The following FRS2 variants were observed in gnomAD, a reference collection of about 807,000 sequenced individuals.
FRS2 encodes fibroblast growth factor receptor substrate 2, also known as FGFR signalling adaptor.
Under a neutral mutation model 43.9 loss-of-function variants are expected in FRS2, and 8 were observed. That is an observed-to-expected ratio of 0.18 (90% CI 0.11 to 0.33). FRS2 has a LOEUF of 0.33. FRS2 is among the 10% of genes least tolerant of loss of function. The pLI, the probability that FRS2 is intolerant of heterozygous loss-of-function variation, is 1.00. For synonymous variants in FRS2, 219 were observed against 220.3 expected, an observed-to-expected ratio of 0.99 and a Z score of 0.05; for missense variants, 534 against 627.6, an observed-to-expected ratio of 0.85 and a Z score of 1.59.
chr12:69,499,457 T>A (rs1422597773), intron 1 of FRS2, among the ~76,000 whole-genome samples: 1 of 152,168 alleles, frequency 6.6e-6, no homozygotes, highest in Non-Finnish European at 1.5e-5. Context: ...CCATGTACCA[T>A]GTAGAAATGA....
intron 1 of FRS2, among the ~76,000 whole-genome samples, chr12:69,511,529 T>C (rs1874453416): frequency 6.6e-6 from 1 of 152,198 alleles, no homozygotes; most frequent in South Asian, 2.1e-4. Flanking sequence ...ATATTCATTA[T>C]ATTTCCCACA....
chr12:69,511,107 G>C (rs534317116), intron 1 of FRS2, among the ~76,000 whole-genome samples: 1 of 152,256 alleles, frequency 6.6e-6, no homozygotes, highest in South Asian at 2.1e-4. Flanking sequence ...CAGTACTTGT[G>C]CTTTTTTTCT....
intron 1 of FRS2, among the ~76,000 whole-genome samples, chr12:69,475,356 G>A (rs895227828): frequency 6.6e-6 from 1 of 152,186 alleles, no homozygotes; most frequent in Admixed American, 6.5e-5. Flanking sequence ...AGTGTTGTTG[G>A]AGGCAGGGGG....
intron 5 of FRS2, 123 bp downstream of exon 5, chr12:69,569,219 CCTGT>C (rs1199170134): frequency 3.6e-6 from 2 of 556,542 alleles, no homozygotes. Context: ...TTCTTTCCAC[CCTGT>C]CTTTCTTGAT....
intron 3 of FRS2, among the ~76,000 whole-genome samples, chr12:69,539,814 G>A (rs572061682): frequency 1.1e-4 from 17 of 152,182 alleles, no homozygotes; most frequent in South Asian, 6.2e-4. Context: ...AATTAGCTGG[G>A]CAGGGTGGCG....
intron 1 of FRS2, among the ~76,000 whole-genome samples, chr12:69,508,776 T>C (rs748877889): frequency 5.3e-5 from 8 of 152,204 alleles, no homozygotes; most frequent in African/African-American, 1.2e-4. Flanking sequence ...GTTATTCTGC[T>C]TTTTGTTGGG....
At chr12:69,477,272 C>CT (rs11300091) in intron 1 of FRS2, among the ~76,000 whole-genome samples, 471 of 103,138 alleles carry the variant, frequency 4.6e-3, no homozygotes, top group East Asian at 6.6e-3. Flanking sequence ...TTTTAAAATA[C>CT]TTTTTTTTTT....
intron 1 of FRS2, among the ~76,000 whole-genome samples, chr12:69,485,082 A>AACAC (rs71094716): frequency 0.1 from 8,655 of 85,180 alleles, 474 homozygotes; most frequent in Non-Finnish European, 0.12. Context: ...CTCATCTTAA[A>AACAC]ACACACACAC....
chr12:69,557,624 GCGCGCGCGCGCGCA>G (rs1565773194), intron 3 of FRS2, among the ~76,000 whole-genome samples: 16 of 140,892 alleles, frequency 1.1e-4, no homozygotes, highest in African/African-American at 3.6e-4. Flanking sequence ...GTGTGTGCGC[GCGCGCGCGCGCGCA>G]GGTGCATGCA....
At chr12:69,552,761 G>A (rs927700936) in intron 3 of FRS2, among the ~76,000 whole-genome samples, 1 of 151,968 alleles carries the variant, frequency 6.6e-6, no homozygotes, top group African/African-American at 2.4e-5. Flanking sequence ...GCGTGGTGGC[G>A]CATGCCTGTA....
intron 3 of FRS2, among the ~76,000 whole-genome samples, chr12:69,559,810 C>A (rs943042804): frequency 6.6e-6 from 1 of 150,928 alleles, no homozygotes; most frequent in Admixed American, 6.6e-5. Flanking sequence ...ACAACCAGAC[C>A]GTGGACACAA....
rs1881385083 is a variant in FRS2, at chr12:69,579,076, C to T, written c.*4121C>T. 1 of 152,590 alleles carries T rather than the reference C, an allele frequency of 6.6e-6. No individual in the cohort carries two copies. The highest frequency in any genetic ancestry group is 2.4e-5 in the African/African-American group (1 of 41,430). 9.5% of individuals were successfully genotyped at this position (152,590 alleles called of 1,614,324 possible). A position where few individuals can be genotyped will look rare whatever the true frequency, so the allele number is the denominator to read the frequency against. ...TAAAACCTTGTTGTATATGTAACAACATAATTTTCCCTCTATCCCTTCCCA... is the reference window on the plus strand; with the variant it reads ...TAAAACCTTGTTGTATATGTAACAATATAATTTTCCCTCTATCCCTTCCCA... On this transcript the variant is annotated 3_prime_UTR_variant, in exon 9 of 9. Transcript: ENST00000549921.
chr12:69,529,012 G>A (rs995207668), intron 1 of FRS2, among the ~76,000 whole-genome samples: 3 of 152,150 alleles, frequency 2.0e-5, no homozygotes, highest in Admixed American at 1.3e-4. Context: ...GAGAGATGGG[G>A]TGGGGGATAG....
intron 3 of FRS2, among the ~76,000 whole-genome samples, chr12:69,539,532 C>T (rs963103076): frequency 7.9e-5 from 12 of 152,100 alleles, no homozygotes; most frequent in Admixed American, 2.0e-4. Context: ...ATTTTGTGCA[C>T]GCATCATGTG....
chr12:69,575,195 T>C lies in FRS2; in HGVS notation c.*240T>C. 2.2e-6 allele frequency: 1 copy of C among 446,988 alleles called. No individual in the cohort carries two copies. The allele number at this position is 446,988 out of a possible 1,614,324, so 27.7% of individuals were successfully genotyped here. A position where few individuals can be genotyped will look rare whatever the true frequency, so the allele number is the denominator to read the frequency against. ...GCATTCCCGTTTTCACAGTGCCTAT[T>C]TAAAATGAGAGTTGAAGTAAATGAC... On this transcript the variant is annotated 3_prime_UTR_variant, in exon 9 of 9. Transcript: ENST00000549921.
chr12:69,512,986 C>T (rs1874605443), intron 1 of FRS2, among the ~76,000 whole-genome samples: 1 of 152,098 alleles, frequency 6.6e-6, no homozygotes, highest in South Asian at 2.1e-4. Flanking sequence ...GTCTTAATGA[C>T]ATCATTCAGC....
chr12:69,472,253 AT>A (rs3970803), intron 1 of FRS2, among the ~76,000 whole-genome samples: 91 of 133,306 alleles, frequency 6.8e-4, no homozygotes, highest in African/African-American at 7.2e-4. Context: ...CACCTGGCTA[AT>A]TTTTTTTTTT....
At chr12:69,479,610 A>T (rs1000129951) in intron 1 of FRS2, among the ~76,000 whole-genome samples, 1 of 151,676 alleles carries the variant, frequency 6.6e-6, no homozygotes, top group Non-Finnish European at 1.5e-5. Flanking sequence ...GTTGGCTAGG[A>T]TGGTCTCCAT....
intron 3 of FRS2, among the ~76,000 whole-genome samples, chr12:69,555,309 G>A (rs1176008052): frequency 6.6e-6 from 1 of 152,066 alleles, no homozygotes; most frequent in East Asian, 1.9e-4. Flanking sequence ...GCCTCCCAAA[G>A]TGCTGGATTA....
Sources: gnomAD v4.1 joint callset for allele counts (sites outside exome capture counted in the v4.1 genomes callset) on GRCh38, gnomAD v4.1.1 for gene constraint, MANE v1.5 for transcripts, NCBI Gene and HGNC (gene_info 2026-07-23, HGNC 2026-07-21) for gene names.